The following UBE2W variants were observed in gnomAD, a reference collection of about 807,000 sequenced individuals.
The protein encoded by UBE2W is ubiquitin conjugating enzyme E2 W, also known as ubiquitin-conjugating enzyme E2 W.
UBE2W carries 18 observed loss-of-function variants against 27.2 expected under a neutral mutation model. That is an observed-to-expected ratio of 0.66 (90% CI 0.46 to 0.98). UBE2W has a LOEUF of 0.98. UBE2W is among the 50% of genes least tolerant of loss of function. UBE2W has a pLI of 0.00. For missense variants in UBE2W, 90 were observed against 180.2 expected (o/e 0.50, Z 2.87); for synonymous variants, 53 against 57.2 (o/e 0.93, Z 0.33).
intron 5 of UBE2W, among the ~76,000 whole-genome samples, chr8:73,803,022 A>AAAAT (rs548652584): frequency 2.6e-5 from 4 of 151,072 alleles, no homozygotes; most frequent in East Asian, 1.9e-4. Flanking sequence ...ACTCCGTCTC[A>AAAAT]AAATAAATAA....
At position 73,826,940 on chromosome 8, in the gene UBE2W, T is replaced by C. The variant is rs1809861731; in HGVS notation, c.108-1691A>G. Among the ~76,000 whole-genome samples the C allele has an allele frequency of 1.3e-5, 2 of 152,226 alleles. 1 individual carries two copies. Among genetic ancestry groups the C allele is most frequent in the African/African-American group, 4.8e-5 (2 of 41,462 alleles). ...AAACAAAAAACTATCTCTTTATATA[T>C]TAGGTCCTTCTTAATCTTCGAAATT... On this transcript the variant is annotated intron_variant, in intron 2 of 5. Transcript: ENST00000602593.
chr8:73,875,806 T>C (rs1812192789), intron 1 of UBE2W, among the ~76,000 whole-genome samples: 1 of 152,110 alleles, frequency 6.6e-6, no homozygotes, highest in Non-Finnish European at 1.5e-5. Context: ...TCCTAGTACT[T>C]TGGGAGGCCG....
intron 1 of UBE2W, among the ~76,000 whole-genome samples, chr8:73,868,714 A>C (rs1306340508): frequency 6.6e-6 from 1 of 152,080 alleles, no homozygotes; most frequent in Non-Finnish European, 1.5e-5. Flanking sequence ...GAAAAAAAAA[A>C]AAAAACCCAC....
chr8:73,786,724 T>C lies in UBE2W; in HGVS notation c.*7378A>G, dbSNP rs972495360. ...GCCTAGGGACACCAAGGCCAGGTAGTGAAAGGCCCTAATGGTAAGGAGACT... is the reference window on the plus strand; with the variant it reads ...GCCTAGGGACACCAAGGCCAGGTAGCGAAAGGCCCTAATGGTAAGGAGACT... On this transcript the variant is annotated 3_prime_UTR_variant, in exon 6 of 6. Coordinates refer to ENST00000602593, the MANE Select transcript of UBE2W (RefSeq NM_018299.6). The C allele has an allele frequency of 7.1e-6, 7 of 985,192 alleles. No individual in the cohort carries two copies. The highest frequency in any genetic ancestry group is 1.7e-5 in the African/African-American group (1 of 57,188). 61.0% of individuals were successfully genotyped at this position (985,192 alleles called of 1,614,324 possible).
chr8:73,806,032 G>A (rs755641432), intron 4 of UBE2W, among the ~76,000 whole-genome samples: 3 of 152,148 alleles, frequency 2.0e-5, no homozygotes, highest in Non-Finnish European at 2.9e-5. Flanking sequence ...GTGCGTGCCT[G>A]TAATCCCAGC....
chr8:73,805,852 A>T (rs930046266), intron 4 of UBE2W, 126 bp from the exon 5 acceptor site: 7 of 491,688 alleles, frequency 1.4e-5, no homozygotes, highest in Non-Finnish European at 2.2e-5. Context: ...TAGTATATCT[A>T]AAAGAATAAA....
intron 2 of UBE2W, 135 bp downstream of exon 2, chr8:73,830,245 AT>A (rs1810018002): frequency 1.6e-6 from 1 of 614,200 alleles, no homozygotes; most frequent in Non-Finnish European, 2.8e-6. Flanking sequence ...AATGCACAGA[AT>A]AAGATCTGTT....
intron 1 of UBE2W, 109 bp downstream of exon 1, chr8:73,878,699 A>AT (rs1812349663): frequency 1.9e-6 from 2 of 1,042,614 alleles, no homozygotes; most frequent in African/African-American, 3.2e-5. Flanking sequence ...ACCCGGACCG[A>AT]TCCCGAACCC....
rs1808061947 is a variant in UBE2W, at chr8:73,788,611, T to C, written c.*5491A>G. 3.0e-6 allele frequency: 3 copies of C among 985,324 alleles called. No homozygotes were observed. The highest frequency in any genetic ancestry group is 9.4e-5 in the South Asian group (2 of 21,294). The allele number at this position is 985,324 out of a possible 1,614,324, so 61.0% of individuals were successfully genotyped here. A position where few individuals can be genotyped will look rare whatever the true frequency, so the allele number is the denominator to read the frequency against. On this transcript the variant is annotated 3_prime_UTR_variant, in exon 6 of 6. Transcript: ENST00000602593. ...TTATGGTAGATTTCAGGCTTTAAAT[T>C]GTAAGTTTCAGGCTTCAAAAGAGGC...
At chr8:73,822,518 A>G (rs1264305895) in intron 3 of UBE2W, among the ~76,000 whole-genome samples, 1 of 147,618 alleles carries the variant, frequency 6.8e-6, no homozygotes, top group African/African-American at 2.5e-5. Flanking sequence ...AAACCCAGAC[A>G]TTCGAGCTGG....
intron 1 of UBE2W, among the ~76,000 whole-genome samples, chr8:73,861,300 G>A (rs1303865717): frequency 6.6e-6 from 1 of 152,140 alleles, no homozygotes; most frequent in Non-Finnish European, 1.5e-5. Context: ...AAGAATTTTA[G>A]TGAACTGATA....
chr8:73,845,653 C>G (rs1810767242), intron 1 of UBE2W, among the ~76,000 whole-genome samples: 1 of 151,834 alleles, frequency 6.6e-6, no homozygotes, highest in Non-Finnish European at 1.5e-5. Flanking sequence ...CACTATTGTC[C>G]TATGACCCTG....
chr8:73,807,791 CT>C (rs1403561057), intron 4 of UBE2W, among the ~76,000 whole-genome samples: 1 of 152,120 alleles, frequency 6.6e-6, no homozygotes. Context: ...ATACTCAATT[CT>C]ATTTGCTTAA....
chr8:73,856,432 T>C (rs181356610), intron 1 of UBE2W, among the ~76,000 whole-genome samples: 49 of 148,762 alleles, frequency 3.3e-4, no homozygotes, highest in Non-Finnish European at 4.4e-5. Context: ...TAGCACGATC[T>C]TGGCTCACTG....
At chr8:73,831,161 C>A (rs1810049384) in intron 1 of UBE2W, 1 of 449,968 alleles carries the variant, frequency 2.2e-6, no homozygotes, top group Non-Finnish European at 4.1e-6. Context: ...GCAGCAGCCA[C>A]CAGAGCCTCA....
chr8:73,872,959 T>C (rs1245184371), intron 1 of UBE2W, among the ~76,000 whole-genome samples: 1 of 151,268 alleles, frequency 6.6e-6, no homozygotes, highest in Non-Finnish European at 1.5e-5. Context: ...TGGAGTCCAG[T>C]GGCATGATCT....
At chr8:73,819,734 A>G (rs1306718374) in intron 3 of UBE2W, among the ~76,000 whole-genome samples, 1 of 152,204 alleles carries the variant, frequency 6.6e-6, no homozygotes, top group Admixed American at 6.5e-5. Context: ...TGAGCCAAAC[A>G]TATTTTAGAG....
chr8:73,865,723 T>C (rs1039755784), intron 1 of UBE2W, among the ~76,000 whole-genome samples: 3 of 152,248 alleles, frequency 2.0e-5, no homozygotes, highest in African/African-American at 7.2e-5. Context: ...TATATATTTT[T>C]AAAACCTATT....
chr8:73,809,857 G>A (rs1314141219), intron 4 of UBE2W, among the ~76,000 whole-genome samples: 1 of 152,140 alleles, frequency 6.6e-6, no homozygotes, highest in East Asian at 1.9e-4. Context: ...GGGATTACAG[G>A]TGTAAGCCAC....
Sources: gnomAD v4.1 joint callset for allele counts (sites outside exome capture counted in the v4.1 genomes callset) on GRCh38, gnomAD v4.1.1 for gene constraint, MANE v1.5 for transcripts, NCBI Gene and HGNC (gene_info 2026-07-23, HGNC 2026-07-21) for gene names.